Variants in PTP4A2 observed in about 807,000 individuals in gnomAD.
PTP4A2 encodes protein tyrosine phosphatase 4A2, also known as protein tyrosine phosphatase type IVA 2.
PTP4A2 carries 2 observed loss-of-function variants against 22.9 expected under a neutral mutation model. The ratio of observed to expected loss-of-function variants is 0.09; its 90% CI spans 0.04 to 0.27. PTP4A2 has a LOEUF of 0.27. Among genes scored for constraint, PTP4A2 ranks in the 10% least tolerant of loss-of-function variants. PTP4A2 has a pLI of 1.00. For synonymous variants in PTP4A2, 68 were observed against 69.1 expected, an observed-to-expected ratio of 0.98 and a Z score of 0.08; for missense variants, 103 against 205.1, an observed-to-expected ratio of 0.50 and a Z score of 3.04.
intron 2 of PTP4A2, 25 bp from the exon 3 acceptor site, chr1:31,916,012 T>C (rs1036538968): frequency 7.7e-6 from 11 of 1,422,336 alleles, no homozygotes; most frequent in Non-Finnish European, 9.6e-6. Context: ...AAAATTATAA[T>C]GGAACTTGTT....
rs550374975 is a variant in PTP4A2, at chr1:31,912,220, T to C, written c.190-394A>G. Reference sequence around the variant, plus strand: ...GTCAACATGATTTAAAAGTCCACTCTGGCAAAGCATACCAACTGGTGTCTC... The same window carrying C: ...GTCAACATGATTTAAAAGTCCACTCCGGCAAAGCATACCAACTGGTGTCTC... On this transcript the variant is annotated intron_variant, in intron 3 of 5. Coordinates refer to ENST00000647444, the MANE Select transcript of PTP4A2 (RefSeq NM_080391.4). Among the ~76,000 whole-genome samples, 3 of 152,368 alleles carry C rather than the reference T, an allele frequency of 2.0e-5. No homozygotes were observed. In the South Asian group the frequency reaches 6.2e-4, roughly 32 times the overall value.
intron 1 of PTP4A2, among the ~76,000 whole-genome samples, chr1:31,920,674 AT>A (rs1336260933): frequency 6.6e-6 from 1 of 150,938 alleles, no homozygotes; most frequent in African/African-American, 2.4e-5. Context: ...AGTAGCTGGG[AT>A]TACAGGTGCC....
At chr1:31,917,927 C>T (rs1335448140) in intron 2 of PTP4A2, among the ~76,000 whole-genome samples, 5 of 119,630 alleles carry the variant, frequency 4.2e-5, no homozygotes, top group Admixed American at 2.1e-4. Flanking sequence ...GAGCCAAGAT[C>T]GTGCCACTGC....
chr1:31,912,923 CTG>C (rs1651616011), intron 3 of PTP4A2: 1 of 413,520 alleles, frequency 2.4e-6, no homozygotes, highest in South Asian at 1.7e-5. Flanking sequence ...AATTAAAGGA[CTG>C]TGTTATTATA....
chr1:31,922,599 T>TTCCTTCCTTCCTTCCTTCCTTCCTTCC (rs1369678222), intron 1 of PTP4A2, among the ~76,000 whole-genome samples: 13 of 79,404 alleles, frequency 1.6e-4, no homozygotes, highest in African/African-American at 1.2e-3. Flanking sequence ...TCTTTCTTTC[T>TTCCTTCCTTCCTTCCTTCCTTCCTTCC]TTCTTTCTTT....
At chr1:31,913,893 A>G (rs1184393932) in intron 3 of PTP4A2, 2 of 455,374 alleles carry the variant, frequency 4.4e-6, no homozygotes, top group South Asian at 1.6e-5. Context: ...TTCATAATGC[A>G]GCAAAATAAA....
chr1:31,934,394 A>C (rs1281302090), intron 1 of PTP4A2, among the ~76,000 whole-genome samples: 4 of 152,228 alleles, frequency 2.6e-5, no homozygotes, highest in Non-Finnish European at 5.9e-5. Context: ...GTTTCACAAA[A>C]ACTTAAGCTT....
chr1:31,927,716 T>G (rs557027031), intron 1 of PTP4A2, among the ~76,000 whole-genome samples: 2 of 152,170 alleles, frequency 1.3e-5, no homozygotes, highest in Non-Finnish European at 2.9e-5. Context: ...GTGGGATTTG[T>G]CCACAGACTG....
In PTP4A2 at chr1:31,908,185, T is replaced by C. The variant is rs1401583982; in HGVS notation, c.*667A>G. The C allele has an allele frequency of 3.6e-4, 11 of 30,852 alleles. 3 individuals are homozygous for C. The highest frequency in any genetic ancestry group is 1.3e-3 in the African/African-American group (10 of 7,612). 1.9% of individuals were successfully genotyped at this position (30,852 alleles called of 1,614,324 possible). On this transcript the variant is annotated 3_prime_UTR_variant, in exon 6 of 6. Coordinates refer to ENST00000647444, the MANE Select transcript of PTP4A2 (RefSeq NM_080391.4). The stretch of plus-strand genomic sequence containing the variant: ...ATATATATATATATATATATATATA[T>C]ATATATATATATATATATATATCAC...
rs1289110554 is a variant in PTP4A2, at chr1:31,915,896, A to G, written c.188T>C (p.Leu63Pro). 2 of 1,582,338 alleles carry G rather than the reference A, an allele frequency of 1.3e-6. No individual in the cohort carries two copies. The highest frequency in any genetic ancestry group is 1.7e-6 in the Non-Finnish European group (2 of 1,164,596). ...APVEKEGIHV[L>P]DWPFDDGAPP... ...AAAATTTAAATACTACACACTCACT[A>G]GAACGTGGATTCCTTCTTTTTCAAC... is the stretch of plus-strand genomic sequence containing the variant. The change falls in exon 3 of 6, where the codon CTA (leucine) becomes CCA (proline). Residue 63 changes from leucine (L) to proline (P), a missense_variant and splice_region_variant. Physicochemically the swap from Leu to Pro is moderately conservative, Grantham distance 98. This residue lies in a region of PTP4A2 where 66 missense variants were observed against 113.0 expected (regional missense o/e 0.58). Transcript: ENST00000647444.
chr1:31,910,910 T>A (rs1208194386), intron 4 of PTP4A2: 3 of 152,224 alleles, frequency 2.0e-5, no homozygotes. Context: ...TCTATCTTTT[T>A]AAAAAAATTT....
Position 31,907,693 on chromosome 1 carries a change from T to C in PTP4A2, c.*1159A>G, listed in dbSNP as rs1443884911. 6.6e-6 allele frequency: 1 copy of C among 152,134 alleles called. No individual in the cohort carries two copies. Among genetic ancestry groups the C allele is most frequent in the African/African-American group, 2.4e-5 (1 of 41,432 alleles). 9.4% of individuals were successfully genotyped at this position (152,134 alleles called of 1,614,324 possible). A position where few individuals can be genotyped will look rare whatever the true frequency, so the allele number is the denominator to read the frequency against. On this transcript the variant is annotated 3_prime_UTR_variant, in exon 6 of 6. Coordinates refer to ENST00000647444, the MANE Select transcript of PTP4A2 (RefSeq NM_080391.4). ...ATTTCTCAAGTCGAAAATATGTGAATTTGCTGCTGCTCCTTTGACGGTTCC... is the reference window on the plus strand; with the variant it reads ...ATTTCTCAAGTCGAAAATATGTGAACTTGCTGCTGCTCCTTTGACGGTTCC...
At chr1:31,923,560 T>C (rs1652304721) in intron 1 of PTP4A2, among the ~76,000 whole-genome samples, 1 of 147,248 alleles carries the variant, frequency 6.8e-6, no homozygotes, top group Non-Finnish European at 1.5e-5. Context: ...GGTCTCGATC[T>C]CCTGACCTCG....
At chr1:31,912,921 G>C (rs868164973) in intron 3 of PTP4A2, 1 of 411,972 alleles carries the variant, frequency 2.4e-6, no homozygotes. Flanking sequence ...ATAATTAAAG[G>C]ACTGTGTTAT....
intron 1 of PTP4A2, among the ~76,000 whole-genome samples, chr1:31,928,887 A>G (rs946136184): frequency 4.6e-5 from 7 of 152,124 alleles, no homozygotes; most frequent in African/African-American, 9.7e-5. Context: ...TAGAAGATAC[A>G]TGGCCAGCCA....
chr1:31,926,038 A>T (rs1652436675), intron 1 of PTP4A2, among the ~76,000 whole-genome samples: 1 of 150,022 alleles, frequency 6.7e-6, no homozygotes, highest in African/African-American at 2.4e-5. Flanking sequence ...CTGAGGCAAG[A>T]GAATCGCTTC....
At chr1:31,930,013 A>G (rs934416816) in intron 1 of PTP4A2, among the ~76,000 whole-genome samples, 6 of 152,170 alleles carry the variant, frequency 3.9e-5, no homozygotes, top group African/African-American at 1.4e-4. Context: ...GCAAAGCAAA[A>G]ACTTTCCGGC....
chr1:31,914,048 T>C, intron 3 of PTP4A2: 1 of 381,642 alleles, frequency 2.6e-6, no homozygotes, highest in Non-Finnish European at 5.2e-6. Context: ...AAGCAAATTA[T>C]TACCATGCCA....
At chr1:31,937,534 T>G (rs1017950579) in intron 1 of PTP4A2, among the ~76,000 whole-genome samples, 3 of 150,958 alleles carry the variant, frequency 2.0e-5, no homozygotes, top group Non-Finnish European at 4.4e-5. Context: ...ACACACACCA[T>G]GTTCTCCCCC....
Sources: gnomAD v4.1 joint callset for allele counts (sites outside exome capture counted in the v4.1 genomes callset) on GRCh38, gnomAD v4.1.1 for gene constraint, gnomAD v4.1.1 regional missense constraint, MANE v1.5 for transcripts, NCBI Gene and HGNC (gene_info 2026-07-23, HGNC 2026-07-21) for gene names.